MTA3: variants seen among roughly 807,000 people sequenced by gnomAD.
MTA3 encodes the protein metastasis associated 1 family member 3.
MTA3 carries 34 observed loss-of-function variants against 83.5 expected under a neutral mutation model. The observed-to-expected ratio is 0.41, with a 90% CI of 0.31 to 0.54. The LOEUF is 0.54. Ranked by LOEUF, MTA3 falls within the 20% of genes least tolerant of loss-of-function variation. The pLI is 0.33. For missense variants in MTA3, 761 were observed against 726.4 expected (o/e 1.05, Z -0.55); for synonymous variants, 303 against 252.7 (o/e 1.20, Z -1.89).
chr2:42,520,382 T>C (rs1399322210), intron 2 of MTA3, among the ~76,000 whole-genome samples: 1 of 152,184 alleles, frequency 6.6e-6, no homozygotes, highest in African/African-American at 2.4e-5. Context: ...TCCTGTCTTG[T>C]TGAACTGTAC....
At chr2:42,584,716 G>T (rs1247733405) in intron 3 of MTA3, among the ~76,000 whole-genome samples, 1 of 151,994 alleles carries the variant, frequency 6.6e-6, no homozygotes, top group Non-Finnish European at 1.5e-5. Flanking sequence ...AAAAAGAAAA[G>T]ATTAGCTGGG....
chr2:42,636,821 T>A (rs1015890685), intron 4 of MTA3, among the ~76,000 whole-genome samples: 5 of 151,920 alleles, frequency 3.3e-5, no homozygotes, highest in African/African-American at 1.2e-4. Flanking sequence ...GAGACAGGGC[T>A]TCACCGTATT....
chr2:42,516,872 C>T (rs1047210017), intron 2 of MTA3, among the ~76,000 whole-genome samples: 10 of 152,190 alleles, frequency 6.6e-5, no homozygotes, highest in Non-Finnish European at 2.9e-5. Context: ...TGCCTGTCGT[C>T]ACAGCACTTT....
chr2:42,506,015 C>G (rs1331622513), intron 2 of MTA3, among the ~76,000 whole-genome samples: 1 of 151,976 alleles, frequency 6.6e-6, no homozygotes. Context: ...TCTGCCCGCC[C>G]CGGCCTCCCA....
At chr2:42,616,845 A>G (rs1442478878) in intron 4 of MTA3, among the ~76,000 whole-genome samples, 1 of 152,082 alleles carries the variant, frequency 6.6e-6, no homozygotes, top group East Asian at 1.9e-4. Context: ...TTGGCCTCCC[A>G]AAGTGTTGGG....
At chr2:42,684,158 C>T (rs1218656974) in intron 9 of MTA3, among the ~76,000 whole-genome samples, 1 of 152,056 alleles carries the variant, frequency 6.6e-6, no homozygotes, top group Non-Finnish European at 1.5e-5. Flanking sequence ...GACTTACTGT[C>T]TTTAGTTAAA....
chr2:42,735,801 T>C (rs984582559), intron 16 of MTA3, among the ~76,000 whole-genome samples: 1 of 152,210 alleles, frequency 6.6e-6, no homozygotes, highest in Non-Finnish European at 1.5e-5. Context: ...GAATTTCTGC[T>C]TGGGTCTTTT....
intron 2 of MTA3, among the ~76,000 whole-genome samples, chr2:42,516,311 G>A (rs752401135): frequency 2.6e-5 from 4 of 152,204 alleles, no homozygotes; most frequent in Admixed American, 1.3e-4. Context: ...AGGTTGGGAA[G>A]AGTAGAGATA....
At chr2:42,681,410 T>C (rs553753140) in intron 8 of MTA3, among the ~76,000 whole-genome samples, 1 of 152,360 alleles carries the variant, frequency 6.6e-6, no homozygotes, top group East Asian at 1.9e-4. Flanking sequence ...GAGAAGATTT[T>C]TTTCTCACTC....
upstream of MTA3, among the ~76,000 whole-genome samples, chr2:42,566,955 C>T (rs1262520297): frequency 6.6e-6 from 1 of 152,154 alleles, no homozygotes; most frequent in Non-Finnish European, 1.5e-5. Flanking sequence ...TATGTGTCAG[C>T]TCAGAAATGG....
intron 6 of MTA3, among the ~76,000 whole-genome samples, chr2:42,653,621 A>G (rs977598250): frequency 2.0e-5 from 3 of 152,076 alleles, no homozygotes; most frequent in African/African-American, 4.8e-5. Context: ...TTCTCAGCCT[A>G]TGGTTGTCTG....
chr2:42,688,755 T>C (rs1174215352), intron 9 of MTA3, among the ~76,000 whole-genome samples: 1 of 152,094 alleles, frequency 6.6e-6, no homozygotes, highest in African/African-American at 2.4e-5. Flanking sequence ...AGTCATGCTG[T>C]CTGCACATAA....
At chr2:42,523,570 A>G (rs1474903134) in intron 2 of MTA3, among the ~76,000 whole-genome samples, 1 of 152,174 alleles carries the variant, frequency 6.6e-6, no homozygotes, top group Non-Finnish European at 1.5e-5. Context: ...TGTGAGACGG[A>G]AATCAGCGTT....
chr2:42,594,985 C>A (rs1165699589), intron 3 of MTA3, among the ~76,000 whole-genome samples: 1 of 147,614 alleles, frequency 6.8e-6, no homozygotes, highest in African/African-American at 2.5e-5. Flanking sequence ...GATCTCCTGA[C>A]CTCATGATCT....
chr2:42,720,951 C>CAAAAAAAAAAAAAAAAAA (rs377702701), intron 15 of MTA3, among the ~76,000 whole-genome samples: 63 of 69,454 alleles, frequency 9.1e-4, no homozygotes, highest in Non-Finnish European at 1.2e-3. Context: ...GACCCTGTCT[C>CAAAAAAAAAAAAAAAAAA]AAAAAAAAAA....
At chr2:42,710,307 C>G (rs896818919) in intron 14 of MTA3, among the ~76,000 whole-genome samples, 1 of 152,024 alleles carries the variant, frequency 6.6e-6, no homozygotes, top group Non-Finnish European at 1.5e-5. Flanking sequence ...AATCCCAGTA[C>G]TTTGGGAGGC....
chr2:42,530,315 G>A lies in MTA3; in HGVS notation c.-141+35061G>A, dbSNP rs372062979. The stretch of plus-strand genomic sequence containing the variant: ...CCGTCCTGGCTAACATGGTGAAACC[G>A]TCTCTACTAAAAATACAAAAAATTA... On this transcript the variant is annotated intron_variant, in intron 2 of 17. Coordinates refer to the MTA3 transcript ENST00000405592. Among the ~76,000 whole-genome samples, 3 of 151,300 alleles carry A rather than the reference G, an allele frequency of 2.0e-5. No homozygotes were observed. In the East Asian group the frequency reaches 5.8e-4, roughly 29 times the overall value.
At chr2:42,612,602 C>T (rs868725909) in intron 4 of MTA3, among the ~76,000 whole-genome samples, 1 of 152,086 alleles carries the variant, frequency 6.6e-6, no homozygotes, top group Non-Finnish European at 1.5e-5. Flanking sequence ...TGGCTCACAC[C>T]TGTAATCCCA....
rs185168204 is a variant in MTA3 at position 42,672,562 on chromosome 2, T to C, written c.703-9839T>C. Among the ~76,000 whole-genome samples the C allele has an allele frequency of 8.1e-5, 12 of 148,112 alleles. No homozygotes were observed. In the East Asian group the frequency reaches 2.4e-3, roughly 30 times the overall value. On this transcript the variant is annotated intron_variant, in intron 8 of 16. Coordinates refer to ENST00000405094, the MANE Select transcript of MTA3 (RefSeq NM_001330442.2). ...TGGGAGGCTGAGGCACGAGAATCTC[T>C]TGAGCCTGGGAGGTGGAGATTGCGG...
Sources: gnomAD v4.1 joint callset for allele counts (sites outside exome capture counted in the v4.1 genomes callset) on GRCh38, gnomAD v4.1.1 for gene constraint, MANE v1.5 for transcripts, NCBI Gene and HGNC (gene_info 2026-07-23, HGNC 2026-07-21) for gene names.